The following GANAB variants were observed in gnomAD, a reference collection of about 807,000 sequenced individuals.
GANAB encodes the protein glucosidase II alpha subunit, also known as neutral alpha-glucosidase AB.
A neutral mutation model predicts 129.9 loss-of-function variants in GANAB; 35 were observed. That is an observed-to-expected ratio of 0.27 (90% CI 0.21 to 0.36). The LOEUF is 0.36. Ranked by LOEUF, GANAB falls within the 10% of genes least tolerant of loss-of-function variation. The pLI, the probability that GANAB is intolerant of heterozygous loss-of-function variation, is 1.00. For synonymous variants in GANAB, 482 were observed against 451.8 expected, an observed-to-expected ratio of 1.07 and a Z score of -0.85; for missense variants, 939 against 1,221.0, an observed-to-expected ratio of 0.77 and a Z score of 3.44.
chr11:62,642,857 T>C (rs1315000923), intron 1 of GANAB, among the ~76,000 whole-genome samples: 1 of 152,178 alleles, frequency 6.6e-6, no homozygotes, highest in Non-Finnish European at 1.5e-5. Flanking sequence ...AGGGTTGGGG[T>C]TTATTTCCAG....
chr11:62,627,471 C>T, intron 17 of GANAB, 118 bp from the exon 18 acceptor site: 1 of 656,952 alleles, frequency 1.5e-6, no homozygotes, highest in Non-Finnish European at 2.7e-6. Flanking sequence ...GTGGCTCACA[C>T]CTGTAATCCC....
chr11:62,639,393 G>T lies in GANAB; in HGVS notation c.218C>A (p.Ser73Tyr), dbSNP rs540025700. 1 of 1,612,730 alleles carries T rather than the reference G, an allele frequency of 6.2e-7. No homozygotes were observed. The highest frequency in any genetic ancestry group is 2.2e-5 in the East Asian group (1 of 44,854). The change falls in exon 3 of 24, where the codon TCC becomes TAC. Residue 73 changes from serine to tyrosine, a missense_variant. By Grantham distance (144) the Ser-to-Tyr change is moderately radical. Transcript: ENST00000356638. ...CTCATGGATCAGATGGACCGTGAGG[G>T]AATCAGGACCAAGCTGTAGAGAGTC... ...LLDSLQLGPD[S>Y]LTVHLIHEVT...
intron 12 of GANAB, 43 bp downstream of exon 12, chr11:62,630,336 C>T (rs752273052): frequency 1.9e-6 from 3 of 1,613,710 alleles, no homozygotes; most frequent in Non-Finnish European, 2.5e-6. Flanking sequence ...ACCATTCTAC[C>T]CCGCTGGCCA....
At position 62,639,116 on chromosome 11, in the gene GANAB, G is replaced by A. The variant is rs1471281500; in HGVS notation, c.253-6C>T. The A allele has an allele frequency of 1.9e-6, 3 of 1,613,560 alleles. No individual in the cohort carries two copies. Among genetic ancestry groups the A allele is most frequent in the South Asian group, 1.1e-5 (1 of 91,076 alleles). On this transcript the variant is annotated splice_polypyrimidine_tract_variant and splice_region_variant and intron_variant, in intron 3 of 23. Transcript: ENST00000356638. Reference sequence around the variant, plus strand: ...AGCTCTAGCACCAGCAACACCTGCGGGGACAGAGGTTTGGATCTGGAGAAA... The same window carrying A: ...AGCTCTAGCACCAGCAACACCTGCGAGGACAGAGGTTTGGATCTGGAGAAA...
chr11:62,641,943 AC>A (rs1333920843), intron 1 of GANAB, among the ~76,000 whole-genome samples: 1 of 151,254 alleles, frequency 6.6e-6, no homozygotes, highest in Non-Finnish European at 1.5e-5. Context: ...ACACCTGTAA[AC>A]CCAGCACTTT....
At chr11:62,627,455 G>C (rs1565090561) in intron 17 of GANAB, 102 bp from the exon 18 acceptor site, 1 of 713,652 alleles carries the variant, frequency 1.4e-6, no homozygotes, top group Non-Finnish European at 2.5e-6. Flanking sequence ...GCATAGGCCG[G>C]GTGTGGTGGC....
At chr11:62,633,920 G>A (rs559077861) in intron 5 of GANAB, 17 of 373,762 alleles carry the variant, frequency 4.5e-5, no homozygotes, top group Non-Finnish European at 6.4e-5. Flanking sequence ...AAAGGCATGT[G>A]GGTCATACTA....
At chr11:62,646,474 G>A (rs1415796868) in intron 1 of GANAB, 88 bp downstream of exon 1, 31 of 1,446,878 alleles carry the variant, frequency 2.1e-5, no homozygotes, top group Non-Finnish European at 2.9e-5. Context: ...GGGTGGCAGA[G>A]TGTCAAGAGA....
intron 17 of GANAB, among the ~76,000 whole-genome samples, chr11:62,627,847 A>C (rs1251062799): frequency 4.6e-5 from 7 of 152,192 alleles, no homozygotes; most frequent in Admixed American, 4.6e-4. Context: ...TTAGACATTT[A>C]ACTTCCTAAG....
chr11:62,634,206 T>C, intron 5 of GANAB: 2 of 741,594 alleles, frequency 2.7e-6, no homozygotes, highest in Non-Finnish European at 4.9e-6. Flanking sequence ...GAAAGTGGGG[T>C]GAGTGAAAGG....
At position 62,631,202 on chromosome 11, in the gene GANAB, A is replaced by AGG; in HGVS notation, c.997-21_997-20dup. The AGG allele has an allele frequency of 1.3e-6, 2 of 1,543,466 alleles. No individual in the cohort carries two copies. Among genetic ancestry groups the AGG allele is most frequent in the Non-Finnish European group, 1.8e-6 (2 of 1,137,154 alleles). Reference sequence around the variant, plus strand: ...ACAGGGTCTGTATAGGTGACCACAAAGGGGTCAGACACCTCCTGCCCTCCC... The same window carrying AGG: ...ACAGGGTCTGTATAGGTGACCACAAAGGGGGGTCAGACACCTCCTGCCCTCCC... On this transcript the variant is annotated intron_variant, in intron 9 of 23. Transcript: ENST00000356638.
intron 3 of GANAB, 92 bp downstream of exon 3, chr11:62,639,267 T>C: frequency 2.4e-6 from 3 of 1,269,184 alleles, no homozygotes; most frequent in Non-Finnish European, 1.1e-6. Context: ...AAGATTAGGC[T>C]GGGACAAGAT....
intron 1 of GANAB, among the ~76,000 whole-genome samples, chr11:62,640,619 G>A (rs1239309431): frequency 6.6e-6 from 1 of 151,340 alleles, no homozygotes; most frequent in African/African-American, 2.4e-5. Context: ...AGATCACGAG[G>A]TCAGGAGTTT....
At position 62,639,485 on chromosome 11, in the gene GANAB, G is replaced by C. The variant is rs1355870241; in HGVS notation, c.144-18C>G. 6.3e-7 allele frequency: 1 copy of C among 1,595,504 alleles called. No individual in the cohort carries two copies. Among genetic ancestry groups the C allele is most frequent in the Admixed American group, 1.7e-5 (1 of 59,942 alleles). On this transcript the variant is annotated intron_variant, in intron 2 of 23. Coordinates refer to ENST00000356638, the MANE Select transcript of GANAB (RefSeq NM_198334.3). ...TCTGTCGCCTGCCAAGTGAAGGGTT[G>C]GGAAGTAAGGTAAAGGCCACCTGCA...
chr11:62,633,786 G>A (rs1943805483), intron 5 of GANAB: 1 of 537,792 alleles, frequency 1.9e-6, no homozygotes, highest in Middle Eastern at 4.9e-4. Flanking sequence ...AGAAGAGAAA[G>A]GCAGAATGAT....
At position 62,628,918 on chromosome 11, in the gene GANAB, G is replaced by A. The variant is rs1943530340; in HGVS notation, c.2031C>T (p.Ala677=). 2 of 1,614,102 alleles carry A rather than the reference G, an allele frequency of 1.2e-6. No homozygotes were observed. Among genetic ancestry groups the A allele is most frequent in the Admixed American group, 1.7e-5 (1 of 60,016 alleles). ...GAYQPFFRAH[A]HLDTGRREPW... is the part of the protein sequence containing the mutation. ...GCTCTCGTCGCCCAGTGTCCAAGTGGGCATGTGCCCGGAAGAATGGCTGGT... is the reference window on the plus strand; with the variant it reads ...GCTCTCGTCGCCCAGTGTCCAAGTGAGCATGTGCCCGGAAGAATGGCTGGT... Residue 677 remains alanine, a synonymous_variant, in exon 17 of 24, where the codon GCC becomes GCT. Coordinates refer to ENST00000356638, the MANE Select transcript of GANAB (RefSeq NM_198334.3).
At chr11:62,630,905 T>C in intron 10 of GANAB, 69 bp from the exon 11 acceptor site, 1 of 1,502,736 alleles carries the variant, frequency 6.7e-7, no homozygotes, top group South Asian at 1.2e-5. Context: ...GAGGGAGGCT[T>C]GTGAACTAGA....
Position 62,628,783 on chromosome 11 carries a change from G to A in GANAB, c.2166C>T (p.Gly722=), listed in dbSNP as rs766670791. The stretch of plus-strand genomic sequence containing the variant: ...GAATGCCTCACCTCATGACAGGAAT[G>A]CCTTCCCGATGGGCCTGATATAAGA... ...YTLLYQAHRE[G]IPVMRPLWVQ... The change falls in exon 17 of 24, where the codon GGC becomes GGT. Residue 722 remains glycine, a synonymous_variant. Coordinates refer to ENST00000356638, the MANE Select transcript of GANAB (RefSeq NM_198334.3). 39 of 1,613,744 alleles carry A rather than the reference G, an allele frequency of 2.4e-5. No individual in the cohort carries two copies. Among genetic ancestry groups the A allele is most frequent in the Non-Finnish European group, 3.2e-5 (38 of 1,179,836 alleles).
In GANAB at chr11:62,625,155, C is replaced by T. The variant is rs1453741618; in HGVS notation, c.*660G>A. 4 of 451,616 alleles carry T rather than the reference C, an allele frequency of 8.9e-6. No individual in the cohort carries two copies. Among genetic ancestry groups the T allele is most frequent in the Non-Finnish European group, 1.8e-5 (4 of 225,394 alleles). The allele number at this position is 451,616 out of a possible 1,614,324, so 28.0% of individuals were successfully genotyped here. On this transcript the variant is annotated 3_prime_UTR_variant, in exon 24 of 24. Transcript: ENST00000356638. ...AAGAGGTGTGGAAACGTCTTTCTGC[C>T]GAGGGACAGAGGAGGTAGAACTGCC... is the stretch of plus-strand genomic sequence containing the variant.
Sources: gnomAD v4.1 joint callset for allele counts (sites outside exome capture counted in the v4.1 genomes callset) on GRCh38, gnomAD v4.1.1 for gene constraint, MANE v1.5 for transcripts, NCBI Gene and HGNC (gene_info 2026-07-23, HGNC 2026-07-21) for gene names.